The following ASB6 variants were observed in gnomAD, a reference collection of about 807,000 sequenced individuals.
ASB6 encodes ankyrin repeat and SOCS box protein 6.
Under a neutral mutation model 28.6 loss-of-function variants are expected in ASB6, and 24 were observed. That is an observed-to-expected ratio of 0.84 (90% confidence interval 0.61 to 1.18). The LOEUF (loss-of-function observed/expected upper bound fraction) is 1.18, where lower values mean the gene tolerates loss of function less well. Among genes scored for constraint, ASB6 ranks in the 50% most tolerant of loss-of-function variants. The pLI is 0.00. For missense variants in ASB6, 519 were observed against 559.8 expected (o/e 0.93, Z 0.74); for synonymous variants, 267 against 243.4 (o/e 1.10, Z -0.90).
In ASB6 at chr9:129,635,622, G is replaced by C; in HGVS notation, c.*2168C>G. Reference sequence around the variant, plus strand: ...TCATTATGCGGGCTCTTCTTCAAAAGGCAAGGTGGGACCCGGCGGGGAGGG... The same window carrying C: ...TCATTATGCGGGCTCTTCTTCAAAACGCAAGGTGGGACCCGGCGGGGAGGG... On this transcript the variant is annotated 3_prime_UTR_variant, in exon 6 of 6. Transcript: ENST00000277458. The C allele has an allele frequency of 2.1e-6, 2 of 934,198 alleles. No individual in the cohort carries two copies. The highest frequency in any genetic ancestry group is 3.3e-5 in the South Asian group (2 of 61,320). 57.9% of individuals were successfully genotyped at this position (934,198 alleles called of 1,614,324 possible).
chr9:129,634,605 G>T lies in ASB6; in HGVS notation c.*3185C>A. 2 of 346,108 alleles carry T rather than the reference G, an allele frequency of 5.8e-6. No homozygotes were observed. Among genetic ancestry groups the T allele is most frequent in the Non-Finnish European group, 1.0e-5 (2 of 192,898 alleles). The allele number at this position is 346,108 out of a possible 1,614,324, so 21.4% of individuals were successfully genotyped here. A position where few individuals can be genotyped will look rare whatever the true frequency, so the allele number is the denominator to read the frequency against. On this transcript the variant is annotated 3_prime_UTR_variant, in exon 6 of 6. Coordinates refer to ENST00000277458, the MANE Select transcript of ASB6 (RefSeq NM_017873.4). ...AATAACTTACTGCATTCAAAGTGAG[G>T]AGTTTTATAAGGGTTTTATTTTTAA...
rs1050505793 is a variant in ASB6, at chr9:129,638,753, G to A, written c.512-94C>T. 6.1e-6 allele frequency: 6 copies of A among 987,670 alleles called. No individual in the cohort carries two copies. In the African/African-American group the frequency reaches 8.0e-5, roughly 13 times the overall value. 61.2% of individuals were successfully genotyped at this position (987,670 alleles called of 1,614,324 possible). A position where few individuals can be genotyped will look rare whatever the true frequency, so the allele number is the denominator to read the frequency against. On this transcript the variant is annotated intron_variant, in intron 4 of 5. Coordinates refer to ENST00000277458, the MANE Select transcript of ASB6 (RefSeq NM_017873.4). Reference sequence around the variant, plus strand: ...GTGGCAGAAATCCAGACACTCAGAGGATCAGAAGATGAACTTTCAGAGACA... The same window carrying A: ...GTGGCAGAAATCCAGACACTCAGAGAATCAGAAGATGAACTTTCAGAGACA...
chr9:129,639,990 G>A (rs1831654976), intron 2 of ASB6, among the ~76,000 whole-genome samples: 1 of 152,164 alleles, frequency 6.6e-6, no homozygotes, highest in African/African-American at 2.4e-5. Flanking sequence ...GCCCCTATTA[G>A]GTCACAAGGC....
Position 129,642,103 on chromosome 9 carries a change from C to G in ASB6, c.-104G>C. 7.3e-7 allele frequency: 1 copy of G among 1,361,442 alleles called. No individual in the cohort carries two copies. The highest frequency in any genetic ancestry group is 1.7e-5 in the South Asian group (1 of 59,568). 84.3% of individuals were successfully genotyped at this position (1,361,442 alleles called of 1,614,324 possible). ...GCGGCCGCGGACCCCACCTGCTCCG[C>G]CAGTCCAGCCCCTGCGCCCGGCCGG... On this transcript the variant is annotated 5_prime_UTR_variant, in exon 1 of 6. Coordinates refer to ENST00000277458, the MANE Select transcript of ASB6 (RefSeq NM_017873.4). The surrounding 1 kb of genome is among the most constrained non-coding windows in gnomAD (Gnocchi z 4.3).
rs1379583910 is a variant in ASB6, at chr9:129,637,764, C to A, written c.*26G>T. ...ACAGGCTGACCTGAGCTGCCCGTGTCCCCCGTTCCTGTAGCCTGAGACCTA... is the reference window on the plus strand; with the variant it reads ...ACAGGCTGACCTGAGCTGCCCGTGTACCCCGTTCCTGTAGCCTGAGACCTA... On this transcript the variant is annotated 3_prime_UTR_variant, in exon 6 of 6. Coordinates refer to ENST00000277458, the MANE Select transcript of ASB6 (RefSeq NM_017873.4). 6.7e-7 allele frequency: 1 copy of A among 1,497,668 alleles called. No individual in the cohort carries two copies. Among genetic ancestry groups the A allele is most frequent in the Non-Finnish European group, 8.9e-7 (1 of 1,122,036 alleles). The allele number at this position is 1,497,668 out of a possible 1,614,324, so 92.8% of individuals were successfully genotyped here.
At position 129,635,198 on chromosome 9, in the gene ASB6, C is replaced by A; in HGVS notation, c.*2592G>T. The stretch of plus-strand genomic sequence containing the variant: ...TGGTGCCCTGGTAACCTTGCCTCTG[C>A]CCTCCCCAGGCCACCTCACCGATCA... On this transcript the variant is annotated 3_prime_UTR_variant, in exon 6 of 6. Coordinates refer to ENST00000277458, the MANE Select transcript of ASB6 (RefSeq NM_017873.4). 2 of 1,602,206 alleles carry A rather than the reference C, an allele frequency of 1.2e-6. No homozygotes were observed. The highest frequency in any genetic ancestry group is 8.5e-7 in the Non-Finnish European group (1 of 1,177,012).
At position 129,640,606 on chromosome 9, in the gene ASB6, G is replaced by T. The variant is rs776033161; in HGVS notation, c.230C>A (p.Ala77Asp). The stretch of plus-strand genomic sequence containing the variant: ...GGCCGCCCGCGTCAGCCCCAGCTCA[G>T]CCATCTTGAGCAGGGCGTTGCTCAC... ...EGVSNALLKM[A>D]ELGLTRAADV... is the part of the protein sequence containing the mutation. The change falls in exon 2 of 6, where the codon GCT becomes GAT. Residue 77 changes from alanine (A) to aspartate (D), a missense_variant. Coordinates refer to ENST00000277458, the MANE Select transcript of ASB6 (RefSeq NM_017873.4). 2 of 1,613,842 alleles carry T rather than the reference G, an allele frequency of 1.2e-6. No homozygotes were observed. The highest frequency in any genetic ancestry group is 1.7e-6 in the Non-Finnish European group (2 of 1,179,956).
rs908880903 is a variant in ASB6, at chr9:129,635,094, C to A, written c.*2696G>T. ...CTGAGAGCCAATGAGGCCATGTGTG[C>A]ACACAAAATGCTGGGCACAAATGAG... On this transcript the variant is annotated 3_prime_UTR_variant, in exon 6 of 6. Transcript: ENST00000277458. 36 of 1,261,128 alleles carry A rather than the reference C, an allele frequency of 2.9e-5. No individual in the cohort carries two copies. The highest frequency in any genetic ancestry group is 3.7e-5 in the Non-Finnish European group (34 of 907,548). 78.1% of individuals were successfully genotyped at this position (1,261,128 alleles called of 1,614,324 possible). A position where few individuals can be genotyped will look rare whatever the true frequency, so the allele number is the denominator to read the frequency against.
At position 129,642,054 on chromosome 9, in the gene ASB6, C is replaced by G. The variant is rs901435386; in HGVS notation, c.-55G>C. 7 of 1,519,334 alleles carry G rather than the reference C, an allele frequency of 4.6e-6. No individual in the cohort carries two copies. The African/African-American group carries it at 8.6e-5, about 19-fold the overall frequency. The allele number at this position is 1,519,334 out of a possible 1,614,324, so 94.1% of individuals were successfully genotyped here. A position where few individuals can be genotyped will look rare whatever the true frequency, so the allele number is the denominator to read the frequency against. On this transcript the variant is annotated 5_prime_UTR_variant, in exon 1 of 6. Coordinates refer to ENST00000277458, the MANE Select transcript of ASB6 (RefSeq NM_017873.4). The surrounding 1 kb of genome is among the most constrained non-coding windows in gnomAD (Gnocchi z 4.3). ...GCGCTTTCTGCCGAGGCCGAGATGC[C>G]CAGACGCCGACCGGAACGCTCCGGC...
At chr9:129,641,509 C>T (rs535608978) in intron 1 of ASB6, among the ~76,000 whole-genome samples, 3 of 152,348 alleles carry the variant, frequency 2.0e-5, no homozygotes, top group African/African-American at 7.2e-5. Flanking sequence ...TCTATAAAAA[C>T]GCAAACTCTG....
At chr9:129,640,051 A>G (rs1210917203) in intron 2 of ASB6, among the ~76,000 whole-genome samples, 1 of 152,190 alleles carries the variant, frequency 6.6e-6, no homozygotes, top group Non-Finnish European at 1.5e-5. Flanking sequence ...TGAAAAACAC[A>G]GAGAAAGGAG....
rs1831520785 is a variant in ASB6, at chr9:129,635,822, G to A, written c.*1968C>T. On this transcript the variant is annotated 3_prime_UTR_variant, in exon 6 of 6. Transcript: ENST00000277458. ...CTTCCAGCCATGGGCCTGGCTGCCTGAAGAGGAAGGAAACCACCCCCAACT... is the reference window on the plus strand; with the variant it reads ...CTTCCAGCCATGGGCCTGGCTGCCTAAAGAGGAAGGAAACCACCCCCAACT... The A allele has an allele frequency of 4.6e-5, 11 of 239,016 alleles. No individual in the cohort carries two copies. The South Asian group carries it at 6.8e-4, about 15-fold the overall frequency. 14.8% of individuals were successfully genotyped at this position (239,016 alleles called of 1,614,324 possible).
In ASB6 at chr9:129,635,869, C is replaced by T. The variant is rs1015152359; in HGVS notation, c.*1921G>A. On this transcript the variant is annotated 3_prime_UTR_variant, in exon 6 of 6. Transcript: ENST00000277458. ...AACTTGGTTGCTGGGGACTTGAAGA[C>T]TTCAGTGTGATCTTTACCTAGGGGA... The T allele has an allele frequency of 3.3e-5, 7 of 215,200 alleles. No individual in the cohort carries two copies. The highest frequency in any genetic ancestry group is 1.1e-4 in the Admixed American group (2 of 18,536). 13.3% of individuals were successfully genotyped at this position (215,200 alleles called of 1,614,324 possible).
intron 5 of ASB6, 45 bp downstream of exon 5, chr9:129,638,527 GA>G: frequency 1.2e-6 from 2 of 1,611,144 alleles, no homozygotes; most frequent in Non-Finnish European, 1.7e-6. Context: ...AGCACACATC[GA>G]AGGGGCGGGT....
Position 129,635,743 on chromosome 9 carries a change from T to C in ASB6, c.*2047A>G. On this transcript the variant is annotated 3_prime_UTR_variant, in exon 6 of 6. Transcript: ENST00000277458. ...GCTCCAGGGCTCCTGGTGCTCCCCA[T>C]GTGGGAATAGGGTGGCCACATCAGT... 2.5e-6 allele frequency: 1 copy of C among 404,060 alleles called. No individual in the cohort carries two copies. Among genetic ancestry groups the C allele is most frequent in the African/African-American group, 2.0e-5 (1 of 49,194 alleles). The allele number at this position is 404,060 out of a possible 1,614,324, so 25.0% of individuals were successfully genotyped here.
intron 1 of ASB6, 116 bp from the exon 2 acceptor site, chr9:129,640,838 T>C (rs1051431163): frequency 4.6e-6 from 6 of 1,295,198 alleles, no homozygotes; most frequent in African/African-American, 4.5e-5. Flanking sequence ...GCCCTGGCTC[T>C]GTGGGTCACA....
Position 129,637,991 on chromosome 9 carries a change from C to A in ASB6, c.1065G>T (p.Ala355=). The change falls in exon 6 of 6, where the codon GCG becomes GCT. Residue 355 remains alanine (A), a synonymous_variant. Coordinates refer to ENST00000277458, the MANE Select transcript of ASB6 (RefSeq NM_017873.4). Reference sequence around the variant, plus strand: ...AGAAGTGGAGGGCCTGGATCTTTTCCGCCAGGCTGCCCACAGGGTGGATAT... The same window carrying A: ...AGAAGTGGAGGGCCTGGATCTTTTCAGCCAGGCTGCCCACAGGGTGGATAT... ...NFDIHPVGSL[A]EKIQALHFSL... 1 of 1,610,002 alleles carries A rather than the reference C, an allele frequency of 6.2e-7. No individual in the cohort carries two copies. The highest frequency in any genetic ancestry group is 8.5e-7 in the Non-Finnish European group (1 of 1,177,732).
chr9:129,641,844 G>C (rs1238328261), intron 1 of ASB6, 43 bp downstream of exon 1: 1 of 1,538,384 alleles, frequency 6.5e-7, no homozygotes. Flanking sequence ...GACGCTGCGG[G>C]GTCGGAGCGG....
rs1588150530 is a variant in ASB6, at chr9:129,639,481, T to C, written c.323A>G (p.His108Arg). ...CGGCTGGTTCCGCAGGACGGCGATG[T>C]GCAAGGCCGTGTAGTAGGTGACTGG... ...EDPVTYYTAL[H>R]IAVLRNQPDM... The change falls in exon 3 of 6, where the codon CAC becomes CGC. Residue 108 changes from histidine to arginine, a missense_variant. Transcript: ENST00000277458. 2 of 1,613,688 alleles carry C rather than the reference T, an allele frequency of 1.2e-6. No individual in the cohort carries two copies. The highest frequency in any genetic ancestry group is 1.7e-6 in the Non-Finnish European group (2 of 1,179,726).
Sources: gnomAD v4.1 joint callset for allele counts (sites outside exome capture counted in the v4.1 genomes callset) on GRCh38, gnomAD v4.1.1 for gene constraint, Gnocchi (gnomAD v3.1) non-coding constraint, MANE v1.5 for transcripts, NCBI Gene and HGNC (gene_info 2026-07-23, HGNC 2026-07-21) for gene names.